The following CSMD2 variants were observed in gnomAD, a reference collection of about 807,000 sequenced individuals.
CSMD2 encodes the protein CUB and Sushi multiple domains 2.
In CSMD2, 130 loss-of-function variants were observed where a neutral mutation model predicts 398.5. The ratio of observed to expected loss-of-function variants is 0.33; its 90% CI spans 0.28 to 0.38. The LOEUF (loss-of-function observed/expected upper bound fraction) is 0.38. CSMD2 is among the 10% of genes least tolerant of loss of function. The pLI is 1.00. For missense variants in CSMD2, 3,829 were observed against 4,764.9 expected (o/e 0.80, Z 5.78); for synonymous variants, 1,828 against 1,908.5 (o/e 0.96, Z 1.10).
intron 26 of CSMD2, among the ~76,000 whole-genome samples, chr1:33,661,886 C>T (rs1644147461): frequency 6.6e-6 from 1 of 152,228 alleles, no homozygotes. Flanking sequence ...AGCCACGGCA[C>T]AGGTGCCACA....
chr1:33,714,857 A>G, intron 20 of CSMD2, 82 bp from the exon 21 acceptor site: 1 of 1,385,776 alleles, frequency 7.2e-7, no homozygotes, highest in East Asian at 2.4e-5. Flanking sequence ...CAGGCAAAAC[A>G]CCAGGGGGAA....
chr1:34,090,219 C>T (rs141405616), intron 1 of CSMD2, among the ~76,000 whole-genome samples: 81 of 152,314 alleles, frequency 5.3e-4, no homozygotes, highest in African/African-American at 1.7e-3. Flanking sequence ...CAGATCGACA[C>T]CGGGGTGGAG....
At chr1:33,532,218 T>G (rs1489462129) in intron 64 of CSMD2, among the ~76,000 whole-genome samples, 2 of 152,176 alleles carry the variant, frequency 1.3e-5, no homozygotes, top group Non-Finnish European at 2.9e-5. Context: ...CTGGGGACCT[T>G]GGACACATTA....
chr1:34,110,854 A>T (rs1272002911), intron 1 of CSMD2, among the ~76,000 whole-genome samples: 1 of 152,158 alleles, frequency 6.6e-6, no homozygotes, highest in East Asian at 1.9e-4. Context: ...ACATGGGTTG[A>T]CTATATAACA....
At chr1:33,866,090 T>C (rs1640012086) in intron 5 of CSMD2, among the ~76,000 whole-genome samples, 2 of 152,210 alleles carry the variant, frequency 1.3e-5, no homozygotes, top group South Asian at 2.1e-4. Context: ...CACTTTCTAC[T>C]CTACTGCGCT....
Position 33,533,208 on chromosome 1 carries a change from T to C in CSMD2, c.10013A>G (p.Glu3338Gly). Residue 3338 changes from glutamate to glycine, a missense_variant, in exon 64 of 71, where the codon GAG becomes GGG. This residue lies in a region of CSMD2 where 917 missense variants were observed against 1,199.5 expected (regional missense o/e 0.76). Transcript: ENST00000373381. This position sits in a 1 kb window ranked among gnomAD's most constrained non-coding sequence, Gnocchi z 4.2. Reference protein sequence around the residue: ...DCVPHHCRQPETPTHANVGAL... With the variant: ...DCVPHHCRQPGTPTHANVGAL... ...CCCGACGTTGGCATGCGTTGGCGTC[T>C]CTGGCTGCCTGCAGTGGTGGGCTGG... The C allele has an allele frequency of 6.2e-7, 1 of 1,613,994 alleles. No homozygotes were observed. Among genetic ancestry groups the C allele is most frequent in the South Asian group, 1.1e-5 (1 of 91,004 alleles).
intron 7 of CSMD2, among the ~76,000 whole-genome samples, chr1:33,822,000 G>T (rs539240820): frequency 1.3e-5 from 2 of 152,170 alleles, no homozygotes; most frequent in African/African-American, 4.8e-5. Context: ...AAGGAAGAGT[G>T]GATGGTGAGG....
At chr1:33,808,316 G>C (rs1018408062) in intron 10 of CSMD2, among the ~76,000 whole-genome samples, 2 of 151,946 alleles carry the variant, frequency 1.3e-5, no homozygotes, top group Admixed American at 1.3e-4. Flanking sequence ...GCAAAATGCA[G>C]GGTTTTTTTC....
chr1:33,625,307 A>T (rs969232667), intron 33 of CSMD2, 53 bp from the exon 34 acceptor site: 1 of 1,509,080 alleles, frequency 6.6e-7, no homozygotes. Flanking sequence ...AAACTGGCCC[A>T]GGGACGGACA....
At chr1:33,915,812 C>T (rs951189483) in intron 5 of CSMD2, among the ~76,000 whole-genome samples, 4 of 152,130 alleles carry the variant, frequency 2.6e-5, no homozygotes, top group South Asian at 2.1e-4. Context: ...CTACATAGCC[C>T]GGAAAACTCA....
intron 49 of CSMD2, among the ~76,000 whole-genome samples, chr1:33,575,436 G>A (rs1408803761): frequency 6.6e-6 from 1 of 152,210 alleles, no homozygotes; most frequent in African/African-American, 2.4e-5. Flanking sequence ...GGTCTCCATG[G>A]AGGGAGGAAG....
chr1:33,517,679 T>G (rs1384157190), intron 70 of CSMD2, among the ~76,000 whole-genome samples: 1 of 152,184 alleles, frequency 6.6e-6, no homozygotes, highest in East Asian at 1.9e-4. Flanking sequence ...GAACCCTTAT[T>G]TAAATGTTTG....
chr1:33,581,113 C>A (rs567003536), intron 47 of CSMD2, among the ~76,000 whole-genome samples: 2 of 141,172 alleles, frequency 1.4e-5, no homozygotes, highest in Admixed American at 1.3e-4. Context: ...TCCCTGCCTA[C>A]CTCTAGGGGC....
At chr1:33,868,767 T>C (rs538140557) in intron 5 of CSMD2, among the ~76,000 whole-genome samples, 2 of 152,094 alleles carry the variant, frequency 1.3e-5, no homozygotes, top group East Asian at 3.9e-4. Context: ...ACAACACAAA[T>C]ACATATATCG....
At position 33,537,384 on chromosome 1, in the gene CSMD2, AG is replaced by A. The variant is rs2148580977; in HGVS notation, c.9805+51del. The A allele has an allele frequency of 6.5e-7, 1 of 1,549,984 alleles. No individual in the cohort carries two copies. The highest frequency in any genetic ancestry group is 2.3e-5 in the East Asian group (1 of 44,312). ...AAGTAATCATCTCAGGCCCAAAAGA[AG>A]GTCTCCCGCAACCCCAGCCAAGACG... On this transcript the variant is annotated intron_variant, in intron 61 of 70. Transcript: ENST00000373381. This position sits in a 1 kb window ranked among gnomAD's most constrained non-coding sequence, Gnocchi z 4.6.
Position 33,624,631 on chromosome 1 carries a change from CCTCCACACGGCA to C in CSMD2, c.5501_5512del (p.Val1834_Gly1837del). The C allele has an allele frequency of 6.2e-7, 1 of 1,613,408 alleles. No individual in the cohort carries two copies. On this transcript the variant is annotated inframe_deletion and splice_region_variant, in exon 35 of 71. Transcript: ENST00000373381. The surrounding 1 kb of genome is among the most constrained non-coding windows in gnomAD (Gnocchi z 4.7). ...GGTGCCCCTGCGCTCTGTGAGGTTG[CCTCCACACGGCA>C]CTGGGAGGAGAGGCCATCGGGTCAG... is the stretch of plus-strand genomic sequence containing the variant.
chr1:33,629,425 T>C (rs1230972965), intron 32 of CSMD2, among the ~76,000 whole-genome samples: 1 of 152,114 alleles, frequency 6.6e-6, no homozygotes, highest in Non-Finnish European at 1.5e-5. Flanking sequence ...AACTTCCTCT[T>C]AAAAGAGAAA....
chr1:33,642,259 A>C (rs1167297388), intron 29 of CSMD2, among the ~76,000 whole-genome samples: 2 of 151,788 alleles, frequency 1.3e-5, no homozygotes, highest in Non-Finnish European at 2.9e-5. Flanking sequence ...AGGCAAGCGA[A>C]TCACTTGAAC....
At chr1:33,862,343 C>CTGTGTGTGTGTGTGTGTGTGTGTGTG (rs10610868) in intron 5 of CSMD2, 15 of 114,084 alleles carry the variant, frequency 1.3e-4, no homozygotes, top group South Asian at 3.5e-4. Context: ...ATAAGCTACT[C>CTGTGTGTGTGTGTGTGTGTGTGTGTG]TGTGTGTGTG....
Sources: gnomAD v4.1 joint callset for allele counts (sites outside exome capture counted in the v4.1 genomes callset) on GRCh38, gnomAD v4.1.1 for gene constraint, gnomAD v4.1.1 regional missense constraint, Gnocchi (gnomAD v3.1) non-coding constraint, MANE v1.5 for transcripts, NCBI Gene and HGNC (gene_info 2026-07-23, HGNC 2026-07-21) for gene names.